Variants in CDK5RAP1 observed in about 807,000 individuals in gnomAD.
The protein encoded by CDK5RAP1 is mitochondrial tRNA methylthiotransferase CDK5RAP1.
In CDK5RAP1, 62 loss-of-function variants were observed where a neutral mutation model predicts 64.5. The observed-to-expected ratio is 0.96, with a 90% CI of 0.78 to 1.19. CDK5RAP1 has a LOEUF of 1.19. Among genes scored for constraint, CDK5RAP1 ranks in the 50% most tolerant of loss-of-function variants. The pLI, the probability that CDK5RAP1 is intolerant of heterozygous loss-of-function variation, is 0.00. For missense variants in CDK5RAP1, 657 were observed against 735.0 expected (o/e 0.89, Z 1.23); for synonymous variants, 250 against 261.9 (o/e 0.95, Z 0.44).
In CDK5RAP1 at chr20:33,394,127, C is replaced by T. The variant is rs1988636988; in HGVS notation, c.409-61G>A. ...TAATATCTTGGATATTAGCCTTGTACAATTCCTGCCCTACAGCTCTTTATT... is the reference window on the plus strand; with the variant it reads ...TAATATCTTGGATATTAGCCTTGTATAATTCCTGCCCTACAGCTCTTTATT... On this transcript the variant is annotated intron_variant, in intron 3 of 13. Transcript: ENST00000346416. 2.8e-6 allele frequency: 3 copies of T among 1,085,858 alleles called. No homozygotes were observed. In the South Asian group the frequency reaches 3.7e-5, roughly 14 times the overall value. The allele number at this position is 1,085,858 out of a possible 1,614,324, so 67.3% of individuals were successfully genotyped here.
chr20:33,379,350 C>G lies in CDK5RAP1; in HGVS notation c.1107+111G>C, dbSNP rs947708271. 5 of 718,522 alleles carry G rather than the reference C, an allele frequency of 7.0e-6. No homozygotes were observed. The Admixed American group carries it at 1.2e-4, about 17-fold the overall frequency. The allele number at this position is 718,522 out of a possible 1,614,324, so 44.5% of individuals were successfully genotyped here. Reference sequence around the variant, plus strand: ...TCTGGAGGGTGATGCAGCAATACCCCACAGGATCCCTAAGCAGGACTCCAG... The same window carrying G: ...TCTGGAGGGTGATGCAGCAATACCCGACAGGATCCCTAAGCAGGACTCCAG... On this transcript the variant is annotated intron_variant, in intron 8 of 13. Coordinates refer to ENST00000346416, the MANE Select transcript of CDK5RAP1 (RefSeq NM_016408.4).
intron 12 of CDK5RAP1, among the ~76,000 whole-genome samples, chr20:33,361,373 T>C (rs1400371844): frequency 6.6e-6 from 1 of 152,170 alleles, no homozygotes; most frequent in Non-Finnish European, 1.5e-5. Flanking sequence ...TTCAGAAATA[T>C]GCAGGGGGTC....
rs775495983 is a variant in CDK5RAP1, at chr20:33,370,656, G to A, written c.1262-27C>T. 6 of 1,613,608 alleles carry A rather than the reference G, an allele frequency of 3.7e-6. No homozygotes were observed. In the South Asian group the frequency reaches 4.4e-5, roughly 12 times the overall value. ...TGTGATACACAGCAAAGGATGACAG[G>A]TGACTGCCTGCTGTTTACCTTCAAG... is the stretch of plus-strand genomic sequence containing the variant. On this transcript the variant is annotated intron_variant, in intron 10 of 13. Transcript: ENST00000346416.
rs568187388 is a variant in CDK5RAP1 at position 33,365,316 on chromosome 20, G to A, written c.1542+1543C>T. Among the ~76,000 whole-genome samples, 29 of 151,994 alleles carry A rather than the reference G, an allele frequency of 1.9e-4. 1 individual carries two copies. Among genetic ancestry groups the A allele is most frequent in the Admixed American group, 8.5e-4 (13 of 15,274 alleles). On this transcript the variant is annotated intron_variant, in intron 12 of 13. Coordinates refer to ENST00000346416, the MANE Select transcript of CDK5RAP1 (RefSeq NM_016408.4). ...AAACAGAGTCTCACTCTGTTGCCCAGGCTGGAGTGCAATGGCCCGATCTCA... is the reference window on the plus strand; with the variant it reads ...AAACAGAGTCTCACTCTGTTGCCCAAGCTGGAGTGCAATGGCCCGATCTCA...
rs533234250 is a variant in CDK5RAP1 at position 33,373,957 on chromosome 20, C to A, written c.1205+158G>T. 33 of 646,220 alleles carry A rather than the reference C, an allele frequency of 5.1e-5. 1 individual carries two copies. The highest frequency in any genetic ancestry group is 2.2e-4 in the African/African-American group (12 of 54,900). 40.0% of individuals were successfully genotyped at this position (646,220 alleles called of 1,614,324 possible). A position where few individuals can be genotyped will look rare whatever the true frequency, so the allele number is the denominator to read the frequency against. On this transcript the variant is annotated intron_variant, in intron 9 of 13. Coordinates refer to ENST00000346416, the MANE Select transcript of CDK5RAP1 (RefSeq NM_016408.4). ...CCTTTGCTTATGAAGTGAGCAGAAG[C>A]AAACTCCAGTGCCCAGTGGCTTAGT...
chr20:33,377,522 G>C (rs576012287), intron 8 of CDK5RAP1, among the ~76,000 whole-genome samples: 2 of 152,312 alleles, frequency 1.3e-5, no homozygotes, highest in Non-Finnish European at 2.9e-5. Context: ...GAACTGAAGA[G>C]GGGCCTTGCT....
Position 33,359,247 on chromosome 20 carries a change from C to T in CDK5RAP1, c.1684-124G>A, listed in dbSNP as rs1982458512. On this transcript the variant is annotated intron_variant, in intron 13 of 13. Coordinates refer to ENST00000346416, the MANE Select transcript of CDK5RAP1 (RefSeq NM_016408.4). The stretch of plus-strand genomic sequence containing the variant: ...ATGGAGGCGACCGGCTGGCAGAGAC[C>T]ACATGGCTCCTGTGTGCCCCCGATC... The T allele has an allele frequency of 7.3e-6, 5 of 680,432 alleles. No individual in the cohort carries two copies. The Admixed American group carries it at 1.3e-4, about 17-fold the overall frequency. 42.1% of individuals were successfully genotyped at this position (680,432 alleles called of 1,614,324 possible).
Position 33,392,166 on chromosome 20 carries a change from C to A in CDK5RAP1, c.520G>T (p.Val174Phe), listed in dbSNP as rs571552157. ...ALKTRRPRSR[V>F]PLRIGILGCM... ...CCTAGAATTCCAATCCTCAGAGGAA[C>A]CCGGGAGCGGGGCCGCCTTGTCTTC... Residue 174 changes from valine to phenylalanine, a missense_variant, in exon 5 of 14, where the codon GTT becomes TTT. Val to Phe is a conservative substitution (Grantham distance 50). Transcript: ENST00000346416. 34 of 1,612,702 alleles carry A rather than the reference C, an allele frequency of 2.1e-5. No individual in the cohort carries two copies. The East Asian group carries it at 7.1e-4, about 34-fold the overall frequency.
At position 33,385,601 on chromosome 20, in the gene CDK5RAP1, A is replaced by G. The variant is rs1476388916; in HGVS notation, c.876+49T>C. 22 of 1,606,558 alleles carry G rather than the reference A, an allele frequency of 1.4e-5. No homozygotes were observed. In the Admixed American group the frequency reaches 3.7e-4, roughly 27 times the overall value. ...GCTCAAAACTACAAAGGTTATCCTC[A>G]TCCTCCCCCAAACATGTTCACAGCA... On this transcript the variant is annotated intron_variant, in intron 7 of 13. Coordinates refer to ENST00000346416, the MANE Select transcript of CDK5RAP1 (RefSeq NM_016408.4).
In CDK5RAP1 at chr20:33,380,323, G is replaced by A. The variant is rs114163708; in HGVS notation, c.877-632C>T. Among the ~76,000 whole-genome samples, 1,124 of 152,224 alleles carry A rather than the reference G, an allele frequency of 7.4e-3. 10 individuals are homozygous for A. Among genetic ancestry groups the A allele is most frequent in the African/African-American group, 0.026 (1,063 of 41,538 alleles). ...GCTCACTGTAGCCTCAACCTCCCAGGCTTAAGCAGTCCTCCTGCCTCAGCC... is the reference window on the plus strand; with the variant it reads ...GCTCACTGTAGCCTCAACCTCCCAGACTTAAGCAGTCCTCCTGCCTCAGCC... On this transcript the variant is annotated intron_variant, in intron 7 of 13. Coordinates refer to ENST00000346416, the MANE Select transcript of CDK5RAP1 (RefSeq NM_016408.4).
At chr20:33,388,601 C>T (rs918787813) in intron 5 of CDK5RAP1, among the ~76,000 whole-genome samples, 22 of 137,326 alleles carry the variant, frequency 1.6e-4, no homozygotes, top group Non-Finnish European at 6.2e-5. Context: ...TCTCCCTCTC[C>T]CCACAGTCTC....
Position 33,376,771 on chromosome 20 carries a change from G to C in CDK5RAP1, c.1108-2559C>G, listed in dbSNP as rs150697032. On this transcript the variant is annotated intron_variant, in intron 8 of 13. Coordinates refer to ENST00000346416, the MANE Select transcript of CDK5RAP1 (RefSeq NM_016408.4). ...AGATAGTGACTTTTGTGATGGATCT[G>C]GGCAGAGTAAACTGAAAACATTCCG... Among the ~76,000 whole-genome samples, 6 of 152,218 alleles carry C rather than the reference G, an allele frequency of 3.9e-5. No individual in the cohort carries two copies. The East Asian group carries it at 1.2e-3, about 29-fold the overall frequency.
intron 7 of CDK5RAP1, among the ~76,000 whole-genome samples, chr20:33,381,283 T>C (rs1986720796): frequency 6.6e-6 from 1 of 152,182 alleles, no homozygotes; most frequent in African/African-American, 2.4e-5. Flanking sequence ...AATATTTTAG[T>C]ATATATTTCT....
chr20:33,385,112 GAGAA>G (rs1444002367), intron 7 of CDK5RAP1, among the ~76,000 whole-genome samples: 1 of 152,168 alleles, frequency 6.6e-6, no homozygotes, highest in Non-Finnish European at 1.5e-5. Context: ...CTCCCAGTGG[GAGAA>G]AGAAGAGCAG....
At chr20:33,392,323 TA>T (rs1434634973) in intron 4 of CDK5RAP1, 81 bp from the exon 5 acceptor site, 1 of 773,392 alleles carries the variant, frequency 1.3e-6, no homozygotes, top group Non-Finnish European at 2.1e-6. Context: ...GGGAAGAAAA[TA>T]AAAACCACCT....
intron 12 of CDK5RAP1, among the ~76,000 whole-genome samples, chr20:33,364,188 C>CTTTTTTTTT (rs11479107): frequency 7.4e-6 from 1 of 135,508 alleles, no homozygotes. Flanking sequence ...GAAGAAATAG[C>CTTTTTTTTT]TTTTTTTTTT....
chr20:33,370,375 CGTAA>C (rs1984775600), intron 11 of CDK5RAP1, 120 bp downstream of exon 11: 1 of 937,848 alleles, frequency 1.1e-6, no homozygotes, highest in African/African-American at 1.6e-5. Context: ...GGAAGTGAAT[CGTAA>C]GAGCCTGTGG....
At chr20:33,383,356 C>G (rs1987005241) in intron 7 of CDK5RAP1, 1 of 152,062 alleles carries the variant, frequency 6.6e-6, no homozygotes, top group Non-Finnish European at 1.5e-5. Flanking sequence ...ACCTGTAATC[C>G]CAGCACTTTG....
Position 33,387,465 on chromosome 20 carries a change from G to C in CDK5RAP1, c.613C>G (p.Pro205Ala), listed in dbSNP as rs1272881297. ...REKMVDILAG[P>A]DAYRDLPRLL... ...CGGGGAAGGTCCCGGTAGGCATCAGGACCAGCCAAAATATCTACCATTTTC... is the reference window on the plus strand; with the variant it reads ...CGGGGAAGGTCCCGGTAGGCATCAGCACCAGCCAAAATATCTACCATTTTC... The change falls in exon 6 of 14, where the codon CCT becomes GCT. Residue 205 changes from proline (P) to alanine (A), a missense_variant. By Grantham distance (27) the Pro-to-Ala change is conservative. Coordinates refer to ENST00000346416, the MANE Select transcript of CDK5RAP1 (RefSeq NM_016408.4). The C allele has an allele frequency of 6.2e-7, 1 of 1,613,916 alleles. No homozygotes were observed. The highest frequency in any genetic ancestry group is 8.5e-7 in the Non-Finnish European group (1 of 1,180,008).
Sources: gnomAD v4.1 joint callset for allele counts (sites outside exome capture counted in the v4.1 genomes callset) on GRCh38, gnomAD v4.1.1 for gene constraint, MANE v1.5 for transcripts, NCBI Gene and HGNC (gene_info 2026-07-23, HGNC 2026-07-21) for gene names.